The following TPP2 variants were observed in gnomAD, a reference collection of about 807,000 sequenced individuals.
The protein encoded by TPP2 is tripeptidyl peptidase 2, also known as tripeptidyl-peptidase 2.
TPP2 carries 34 observed loss-of-function variants against 155.9 expected under a neutral mutation model. That is an observed-to-expected ratio of 0.22 (90% CI 0.17 to 0.29). The LOEUF (loss-of-function observed/expected upper bound fraction) is 0.29, where lower values mean the gene tolerates loss of function less well. TPP2 is among the 10% of genes least tolerant of loss of function. The probability of loss-of-function intolerance (pLI) is 1.00; values close to 1 mark genes in which losing one functional copy is unlikely to be tolerated. For synonymous variants in TPP2, 510 were observed against 529.4 expected, an observed-to-expected ratio of 0.96 and a Z score of 0.50; for missense variants, 1,028 against 1,522.3, an observed-to-expected ratio of 0.68 and a Z score of 5.40.
At chr13:102,608,853 T>C (rs890236742) in intron 2 of TPP2, among the ~76,000 whole-genome samples, 9 of 152,128 alleles carry the variant, frequency 5.9e-5, no homozygotes, top group African/African-American at 1.9e-4. Context: ...TTTGTTTAGG[T>C]GTCTAATCAT....
intron 12 of TPP2, 150 bp downstream of exon 12, chr13:102,635,852 CA>C: frequency 1.5e-6 from 1 of 663,850 alleles, no homozygotes; most frequent in Non-Finnish European, 2.5e-6. Context: ...AAAGGATACA[CA>C]AACAAATTTT....
At chr13:102,639,329 G>A (rs1290490199) in intron 15 of TPP2, among the ~76,000 whole-genome samples, 1 of 152,106 alleles carries the variant, frequency 6.6e-6, no homozygotes, top group Non-Finnish European at 1.5e-5. Flanking sequence ...TATTAAGTAT[G>A]CAATAGATCT....
chr13:102,611,817 T>C (rs960914827), intron 2 of TPP2, among the ~76,000 whole-genome samples: 2 of 152,230 alleles, frequency 1.3e-5, no homozygotes, highest in Non-Finnish European at 2.9e-5. Context: ...ATGCTTAGTT[T>C]GAAGAGTTCT....
chr13:102,605,615 G>A (rs756807650), intron 2 of TPP2, among the ~76,000 whole-genome samples: 2 of 151,286 alleles, frequency 1.3e-5, no homozygotes, highest in Admixed American at 6.6e-5. Flanking sequence ...ATGTTTTACT[G>A]TCCCTTCATA....
chr13:102,643,115 T>A (rs1882877556), intron 16 of TPP2, 107 bp from the exon 17 acceptor site: 6 of 1,057,004 alleles, frequency 5.7e-6, no homozygotes, highest in Non-Finnish European at 7.6e-6. Flanking sequence ...TGATCCCTAT[T>A]ATGTCCCTAC....
At chr13:102,652,471 T>C (rs1883585076) in intron 24 of TPP2, among the ~76,000 whole-genome samples, 1 of 118,484 alleles carries the variant, frequency 8.4e-6, no homozygotes, top group African/African-American at 3.4e-5. Flanking sequence ...ACCACATATT[T>C]AATAAGCTTT....
chr13:102,654,799 C>A, intron 24 of TPP2: 1 of 364,048 alleles, frequency 2.7e-6, no homozygotes, highest in South Asian at 2.1e-5. Context: ...GTTGTCTTTG[C>A]TGTACAGATG....
intron 24 of TPP2, among the ~76,000 whole-genome samples, chr13:102,656,004 T>TA (rs1159817672): frequency 6.6e-6 from 1 of 152,202 alleles, no homozygotes; most frequent in African/African-American, 2.4e-5. Flanking sequence ...GTTCTACCTT[T>TA]AAAGAAGATC....
At chr13:102,645,633 C>A (rs1342481615) in intron 19 of TPP2, among the ~76,000 whole-genome samples, 3 of 152,162 alleles carry the variant, frequency 2.0e-5, no homozygotes, top group African/African-American at 4.8e-5. Context: ...ATTAAAACAT[C>A]CAGCTTTTGA....
intron 6 of TPP2, among the ~76,000 whole-genome samples, chr13:102,623,626 T>C (rs138985152): frequency 1.3e-5 from 2 of 152,204 alleles, no homozygotes; most frequent in Non-Finnish European, 2.9e-5. Context: ...ATCTTAACTC[T>C]TGAGAAATTC....
intron 27 of TPP2, among the ~76,000 whole-genome samples, chr13:102,672,722 C>T (rs575889791): frequency 1.3e-5 from 2 of 152,320 alleles, no homozygotes; most frequent in East Asian, 3.9e-4. Flanking sequence ...AGGATGGCAC[C>T]TGGCATCTAA....
chr13:102,663,191 C>T (rs924419831), intron 25 of TPP2, among the ~76,000 whole-genome samples: 3 of 151,524 alleles, frequency 2.0e-5, no homozygotes, highest in African/African-American at 7.3e-5. Flanking sequence ...CTCTGTCACC[C>T]GGCTGGAGTG....
chr13:102,668,367 T>A (rs1884744999), intron 27 of TPP2, among the ~76,000 whole-genome samples: 1 of 152,244 alleles, frequency 6.6e-6, no homozygotes, highest in South Asian at 2.1e-4. Flanking sequence ...TCTGTTTTTT[T>A]GCATCAGGTT....
intron 2 of TPP2, chr13:102,607,739 A>AT (rs1879953889): frequency 2.5e-6 from 1 of 404,032 alleles, no homozygotes; most frequent in Admixed American, 2.9e-5. Flanking sequence ...GGCATGCGCC[A>AT]TGACACTTGG....
At chr13:102,657,500 A>G (rs1321117301) in intron 25 of TPP2, among the ~76,000 whole-genome samples, 5 of 152,068 alleles carry the variant, frequency 3.3e-5, no homozygotes, top group African/African-American at 7.2e-5. Flanking sequence ...CCCACAATTC[A>G]TAAATAGTCA....
intron 11 of TPP2, among the ~76,000 whole-genome samples, chr13:102,634,901 T>A (rs1202512079): frequency 6.6e-6 from 1 of 152,238 alleles, no homozygotes; most frequent in African/African-American, 2.4e-5. Context: ...TCTGCCATGT[T>A]GTGGCCTTGC....
chr13:102,634,145 T>G, intron 11 of TPP2, 47 bp downstream of exon 11: 2 of 1,606,606 alleles, frequency 1.2e-6, no homozygotes, highest in South Asian at 1.1e-5. Context: ...ACCAATATTT[T>G]TGTTTTCTGA....
intron 3 of TPP2, among the ~76,000 whole-genome samples, chr13:102,614,868 G>A (rs956010670): frequency 2.0e-5 from 3 of 151,686 alleles, no homozygotes; most frequent in Non-Finnish European, 2.9e-5. Context: ...TATGTTTAGT[G>A]TGACTGACGA....
chr13:102,672,669 A>G (rs1264941189), intron 27 of TPP2, among the ~76,000 whole-genome samples: 1 of 152,052 alleles, frequency 6.6e-6, no homozygotes, highest in African/African-American at 2.4e-5. Context: ...GACACCTTGG[A>G]TTGTTGGAAG....
Sources: allele counts gnomAD v4.1 joint callset (sites outside exome capture counted in the v4.1 genomes callset), GRCh38; gene constraint gnomAD v4.1.1; transcripts MANE v1.5; gene names NCBI Gene and HGNC (gene_info 2026-07-23, HGNC 2026-07-21).